The following FOXK2 variants were observed in gnomAD, a reference collection of about 807,000 sequenced individuals.
FOXK2 encodes the protein forkhead box protein K2.
Under a neutral mutation model 53.3 loss-of-function variants are expected in FOXK2, and 24 were observed. The observed-to-expected ratio is 0.45, with a 90% CI of 0.33 to 0.63. The LOEUF (loss-of-function observed/expected upper bound fraction) is 0.63, where lower values mean the gene tolerates loss of function less well. FOXK2 is among the 30% of genes least tolerant of loss of function. The pLI is 0.03. For missense variants in FOXK2, 952 were observed against 910.5 expected (o/e 1.05, Z -0.59); for synonymous variants, 505 against 407.1 (o/e 1.24, Z -2.89).
chr17:82,541,867 G>A (rs182292969), intron 1 of FOXK2, among the ~76,000 whole-genome samples: 123 of 150,916 alleles, frequency 8.2e-4, no homozygotes, highest in Middle Eastern at 3.5e-3. Context: ...ACAAATCACT[G>A]CATCCAGCTA....
intron 3 of FOXK2, among the ~76,000 whole-genome samples, 187 bp downstream of exon 3, chr17:82,568,388 C>T (rs1026319808): frequency 6.6e-6 from 1 of 152,184 alleles, no homozygotes; most frequent in Non-Finnish European, 1.5e-5. Context: ...CAAGTGTACT[C>T]GTTTAGTCAT....
intron 6 of FOXK2, 58 bp downstream of exon 6, chr17:82,584,246 TG>T: frequency 6.8e-7 from 1 of 1,478,592 alleles, no homozygotes. Flanking sequence ...CGCGGACGCC[TG>T]GGCTCCACAG....
intron 1 of FOXK2, among the ~76,000 whole-genome samples, chr17:82,525,638 A>G (rs1412740888): frequency 6.6e-6 from 1 of 151,948 alleles, no homozygotes; most frequent in African/African-American, 2.4e-5. Flanking sequence ...AAAATAGGCA[A>G]CTCTTTAACA....
Position 82,520,316 on chromosome 17 carries a change from C to T in FOXK2, c.419+9C>T, listed in dbSNP as rs1422381744. On this transcript the variant is annotated intron_variant, in intron 1 of 8. Transcript: ENST00000335255. ...CTGCAGCTGCCGCGCGTGTGAGTGG[C>T]CTCGGGGCGGGGCGGGCGGGGTCTG... is the stretch of plus-strand genomic sequence containing the variant. The T allele has an allele frequency of 1.5e-5, 19 of 1,238,082 alleles. No homozygotes were observed. Among genetic ancestry groups the T allele is most frequent in the Middle Eastern group, 3.0e-4 (1 of 3,302 alleles). 76.7% of individuals were successfully genotyped at this position (1,238,082 alleles called of 1,614,324 possible). A position where few individuals can be genotyped will look rare whatever the true frequency, so the allele number is the denominator to read the frequency against.
chr17:82,584,142 C>T lies in FOXK2; in HGVS notation c.1233C>T (p.Pro411=), dbSNP rs1344635258. The T allele has an allele frequency of 1.2e-6, 2 of 1,609,944 alleles. No homozygotes were observed. The highest frequency in any genetic ancestry group is 1.7e-6 in the Non-Finnish European group (2 of 1,179,440). ...PLEPEPGAAQ[P]KLAVIQEARF... ...AGCCTGAGCCTGGCGCTGCACAGCC[C>T]AAACTCGCTGTCATCCAGGAAGCCC... The change falls in exon 6 of 9, where the codon CCC becomes CCT. Residue 411 remains proline (P), a synonymous_variant. Transcript: ENST00000335255.
intron 1 of FOXK2, among the ~76,000 whole-genome samples, chr17:82,531,615 C>CT (rs1246090091): frequency 3.9e-5 from 6 of 152,252 alleles, no homozygotes; most frequent in African/African-American, 1.4e-4. Flanking sequence ...CAACATGTGA[C>CT]TGTATTGAAT....
rs764015593 is a variant in FOXK2 at position 82,584,140 on chromosome 17, C to T, written c.1231C>T (p.Pro411Ser). 6.2e-6 allele frequency: 10 copies of T among 1,610,092 alleles called. No homozygotes were observed. Among genetic ancestry groups the T allele is most frequent in the Non-Finnish European group, 8.5e-6 (10 of 1,179,462 alleles). Residue 411 changes from proline (P) to serine (S), a missense_variant, in exon 6 of 9, where the codon CCC (proline) becomes TCC (serine). Physicochemically the swap from Pro to Ser is moderately conservative, Grantham distance 74. Transcript: ENST00000335255. ...PLEPEPGAAQ[P>S]KLAVIQEARF... ...GGAGCCTGAGCCTGGCGCTGCACAG[C>T]CCAAACTCGCTGTCATCCAGGAAGC...
chr17:82,544,181 G>A (rs2044600884), intron 1 of FOXK2, among the ~76,000 whole-genome samples: 2 of 152,174 alleles, frequency 1.3e-5, no homozygotes, highest in South Asian at 4.1e-4. Context: ...CCAAAGTTCT[G>A]GGATTATAGG....
At position 82,562,480 on chromosome 17, in the gene FOXK2, T is replaced by C. The variant is rs1374918950; in HGVS notation, c.420-874T>C. ...CTGTAATCCCAGCTACTCAGGAGGCTGAGGCAGGAGAATCGCTTGAACCTG... is the reference window on the plus strand; with the variant it reads ...CTGTAATCCCAGCTACTCAGGAGGCCGAGGCAGGAGAATCGCTTGAACCTG... On this transcript the variant is annotated intron_variant, in intron 1 of 8. Coordinates refer to ENST00000335255, the MANE Select transcript of FOXK2 (RefSeq NM_004514.4). Among the ~76,000 whole-genome samples, 6 of 152,018 alleles carry C rather than the reference T, an allele frequency of 3.9e-5. No homozygotes were observed. The East Asian group carries it at 7.7e-4, about 20-fold the overall frequency.
At chr17:82,534,056 C>T (rs2044497682) in intron 1 of FOXK2, among the ~76,000 whole-genome samples, 1 of 147,222 alleles carries the variant, frequency 6.8e-6, no homozygotes. Context: ...GTAGTCCCAA[C>T]TGAGTAAGAC....
chr17:82,576,975 C>T (rs1443372604), intron 4 of FOXK2: 1 of 388,286 alleles, frequency 2.6e-6, no homozygotes, highest in Non-Finnish European at 4.7e-6. Context: ...AGATGACCAA[C>T]ACGGAGAAAC....
intron 1 of FOXK2, among the ~76,000 whole-genome samples, chr17:82,537,084 T>C (rs1463167547): frequency 6.6e-6 from 1 of 152,132 alleles, no homozygotes; most frequent in Non-Finnish European, 1.5e-5. Flanking sequence ...CGGTTGGTTG[T>C]AGAAGGTTCT....
intron 1 of FOXK2, among the ~76,000 whole-genome samples, chr17:82,544,055 C>T (rs969530808): frequency 1.3e-5 from 2 of 152,062 alleles, no homozygotes; most frequent in Non-Finnish European, 2.9e-5. Context: ...GGATTACAGG[C>T]GTGAGCCACC....
At chr17:82,557,983 T>C (rs545119583) in intron 1 of FOXK2, among the ~76,000 whole-genome samples, 1 of 152,310 alleles carries the variant, frequency 6.6e-6, no homozygotes, top group East Asian at 1.9e-4. Flanking sequence ...CCTGTGCTCC[T>C]GAGGATCCTC....
At chr17:82,586,774 G>C (rs1277077706) in intron 7 of FOXK2, among the ~76,000 whole-genome samples, 1 of 152,066 alleles carries the variant, frequency 6.6e-6, no homozygotes, top group Non-Finnish European at 1.5e-5. Context: ...GGTGGCGGGT[G>C]CCTGTAATCC....
chr17:82,576,756 T>C (rs577921692), intron 4 of FOXK2: 118 of 680,292 alleles, frequency 1.7e-4, no homozygotes, highest in Admixed American at 1.4e-3. Context: ...ATGTCGAATA[T>C]GTCACCAGCT....
rs911059301 is a variant in FOXK2, at chr17:82,586,635, C to T, written c.1577-428C>T. ...GCTCATCCTTGGCCAGGTACAGTGG[C>T]TCACACCTGTAATCCCAGCACTATG... On this transcript the variant is annotated intron_variant, in intron 7 of 8. Transcript: ENST00000335255. Among the ~76,000 whole-genome samples the T allele has an allele frequency of 8.6e-5, 13 of 152,026 alleles. No homozygotes were observed. In the East Asian group the frequency reaches 2.5e-3, roughly 29 times the overall value.
chr17:82,595,419 A>C (rs1157685803), intron 8 of FOXK2, among the ~76,000 whole-genome samples: 1 of 152,158 alleles, frequency 6.6e-6, no homozygotes, highest in Admixed American at 6.5e-5. Context: ...CTCCTGCCTC[A>C]GCCTCCTGAG....
At position 82,519,874 on chromosome 17, in the gene FOXK2, C is replaced by T. The variant is rs979441348; in HGVS notation, c.-15C>T. On this transcript the variant is annotated 5_prime_UTR_variant, in exon 1 of 9. Transcript: ENST00000335255. ...GCGCCCGCGCGGAGCGGCCCGGGGGCCCTCACGCAGGCCCATGGCGGCGGC... is the reference window on the plus strand; with the variant it reads ...GCGCCCGCGCGGAGCGGCCCGGGGGTCCTCACGCAGGCCCATGGCGGCGGC... 3.1e-6 allele frequency: 3 copies of T among 974,696 alleles called. No homozygotes were observed. Among genetic ancestry groups the T allele is most frequent in the African/African-American group, 1.8e-5 (1 of 56,364 alleles). 60.4% of individuals were successfully genotyped at this position (974,696 alleles called of 1,614,324 possible).
Sources: allele counts gnomAD v4.1 joint callset (sites outside exome capture counted in the v4.1 genomes callset), GRCh38; gene constraint gnomAD v4.1.1; transcripts MANE v1.5; gene names NCBI Gene and HGNC (gene_info 2026-07-23, HGNC 2026-07-21).